PPRC1: variants seen among roughly 807,000 people sequenced by gnomAD.
The protein encoded by PPRC1 is peroxisome proliferator-activated receptor gamma coactivator-related protein 1.
Under a neutral mutation model 132.5 loss-of-function variants are expected in PPRC1, and 23 were observed. The observed-to-expected ratio is 0.17, with a 90% CI of 0.12 to 0.25. PPRC1 has a LOEUF of 0.25. Ranked by LOEUF, PPRC1 falls within the 10% of genes least tolerant of loss-of-function variation. The pLI is 1.00. For synonymous variants in PPRC1, 872 were observed against 833.5 expected, an observed-to-expected ratio of 1.05 and a Z score of -0.80; for missense variants, 2,006 against 2,089.1, an observed-to-expected ratio of 0.96 and a Z score of 0.78.
intron 8 of PPRC1, among the ~76,000 whole-genome samples, chr10:102,145,660 C>G (rs941546637): frequency 6.6e-6 from 1 of 151,512 alleles, no homozygotes; most frequent in African/African-American, 2.4e-5. Context: ...GTCAGGAGAT[C>G]GAGACCATCC....
chr10:102,119,969 C>A, the PPRC1 span: 1 of 751,858 alleles, frequency 1.3e-6, no homozygotes, highest in Non-Finnish European at 2.0e-6. Flanking sequence ...CCCTTCCAGC[C>A]CCCGGCTTCC....
chr10:102,139,726 C>T lies in PPRC1; in HGVS notation c.1218C>T (p.Thr406=). The stretch of plus-strand genomic sequence containing the variant: ...CAGAGGCTGCTGTGCCCAAGGTAAC[C>T]CTCTGCTCTGAGAAAGAGGGGTTGT... ...SETEAAVPKV[T]LCSEKEGLSL... The change falls in exon 5 of 14, where the codon ACC becomes ACT. Residue 406 remains threonine, a synonymous_variant. Coordinates refer to ENST00000278070, the MANE Select transcript of PPRC1 (RefSeq NM_015062.5). 1.2e-6 allele frequency: 2 copies of T among 1,614,104 alleles called. No homozygotes were observed. Among genetic ancestry groups the T allele is most frequent in the Non-Finnish European group, 1.7e-6 (2 of 1,180,044 alleles).
the PPRC1 span, among the ~76,000 whole-genome samples, chr10:102,125,642 G>C: frequency 1.3e-5 from 2 of 152,078 alleles, no homozygotes; most frequent in African/African-American, 4.8e-5. Context: ...ATTAAGATTA[G>C]GAAAGGGGAA....
Position 102,141,434 on chromosome 10 carries a change from A to G in PPRC1, c.2926A>G (p.Thr976Ala), listed in dbSNP as rs2068973400. 1.9e-6 allele frequency: 3 copies of G among 1,613,294 alleles called. No individual in the cohort carries two copies. The highest frequency in any genetic ancestry group is 2.5e-6 in the Non-Finnish European group (3 of 1,179,924). Residue 976 changes from threonine to alanine, a missense_variant, in exon 5 of 14, where the codon ACA (threonine) becomes GCA (alanine). Coordinates refer to ENST00000278070, the MANE Select transcript of PPRC1 (RefSeq NM_015062.5). Reference sequence around the variant, plus strand: ...TGCCCCAGTCTCACCTTACAGTTCCACATGTACCTATGGGCCCTTGGGATG... The same window carrying G: ...TGCCCCAGTCTCACCTTACAGTTCCGCATGTACCTATGGGCCCTTGGGATG... ...PPAPVSPYSS[T>A]CTYGPLGWGP...
At chr10:102,120,834 A>G in the PPRC1 span, among the ~76,000 whole-genome samples, 1 of 152,020 alleles carries the variant, frequency 6.6e-6, no homozygotes, top group African/African-American at 2.4e-5. Flanking sequence ...CGGGGTGGGC[A>G]GTGTGGTGTA....
intron 6 of PPRC1, among the ~76,000 whole-genome samples, chr10:102,143,371 C>T (rs1284731946): frequency 2.6e-5 from 4 of 152,042 alleles, no homozygotes; most frequent in Middle Eastern, 3.2e-3. Context: ...GAAGCTGAGG[C>T]GGGTGGATCA....
At chr10:102,149,462 G>A in intron 13 of PPRC1, 133 bp downstream of exon 13, 1 of 1,111,070 alleles carries the variant, frequency 9.0e-7, no homozygotes. Flanking sequence ...GCTGGGCATG[G>A]TGGCTCACGC....
chr10:102,147,347 G>T lies in PPRC1; in HGVS notation c.4355G>T (p.Arg1452Leu). 1 of 1,610,442 alleles carries T rather than the reference G, an allele frequency of 6.2e-7. No individual in the cohort carries two copies. Among genetic ancestry groups the T allele is most frequent in the Non-Finnish European group, 8.5e-7 (1 of 1,179,864 alleles). Residue 1452 changes from arginine (R) to leucine (L), a missense_variant, in exon 9 of 14, where the codon CGA becomes CTA. By Grantham distance (102) the Arg-to-Leu change is moderately radical. Coordinates refer to ENST00000278070, the MANE Select transcript of PPRC1 (RefSeq NM_015062.5). ...TCCTCATCATCGTCTTCCTCATCCCGATCTCGGTCCAGGTCCCTCTCCCCC... is the reference window on the plus strand; with the variant it reads ...TCCTCATCATCGTCTTCCTCATCCCTATCTCGGTCCAGGTCCCTCTCCCCC... Reference protein sequence around the residue: ...SSSSSSSSSSRSRSRSLSPPH... With the variant: ...SSSSSSSSSSLSRSRSLSPPH...
At chr10:102,123,825 C>G in the PPRC1 span, among the ~76,000 whole-genome samples, 1 of 148,960 alleles carries the variant, frequency 6.7e-6, no homozygotes, top group African/African-American at 2.5e-5. Flanking sequence ...TGAGCCACCA[C>G]GCCCGGCCTT....
Position 102,140,615 on chromosome 10 carries a change from G to C in PPRC1, c.2107G>C (p.Gly703Arg). The change falls in exon 5 of 14, where the codon GGG (glycine) becomes CGG (arginine). Residue 703 changes from glycine to arginine, a missense_variant. Physicochemically the swap from Gly to Arg is moderately radical, Grantham distance 125 (BLOSUM62 -2). Around this residue, in one of 2 missense-constraint regions of PPRC1, gnomAD observed 1,914 missense variants for 1,917.2 expected, o/e 1.00. Transcript: ENST00000278070. ...PRRGAVSSAL[G>R]GSAPQLLVES... The stretch of plus-strand genomic sequence containing the variant: ...ACGTGGTGCAGTGTCATCAGCCCTG[G>C]GGGGTTCAGCACCCCAGCTCCTCGT... 6.2e-7 allele frequency: 1 copy of C among 1,614,006 alleles called. No homozygotes were observed. Among genetic ancestry groups the C allele is most frequent in the South Asian group, 1.1e-5 (1 of 91,070 alleles).
In PPRC1 at chr10:102,140,948, C is replaced by T; in HGVS notation, c.2440C>T (p.Pro814Ser). Reference sequence around the variant, plus strand: ...AGCTCTGCAGAGAAGCCCTGAAACACCCCTTGAGATTTGCCTTGTGCCTGT... The same window carrying T: ...AGCTCTGCAGAGAAGCCCTGAAACATCCCTTGAGATTTGCCTTGTGCCTGT... Reference protein sequence around the residue: ...KTALQRSPETPLEICLVPVGP... With the variant: ...KTALQRSPETSLEICLVPVGP... Residue 814 changes from proline to serine, a missense_variant, in exon 5 of 14, where the codon CCC becomes TCC. Physicochemically the swap from Pro to Ser is moderately conservative, Grantham distance 74. Around this residue, in one of 2 missense-constraint regions of PPRC1, gnomAD observed 1,914 missense variants for 1,917.2 expected, o/e 1.00. Coordinates refer to ENST00000278070, the MANE Select transcript of PPRC1 (RefSeq NM_015062.5). The T allele has an allele frequency of 6.2e-7, 1 of 1,613,964 alleles. No homozygotes were observed. Among genetic ancestry groups the T allele is most frequent in the Non-Finnish European group, 8.5e-7 (1 of 1,179,968 alleles).
chr10:102,123,546 T>C, the PPRC1 span, among the ~76,000 whole-genome samples: 523 of 152,278 alleles, frequency 3.4e-3, 8 homozygotes, highest in African/African-American at 0.012. Context: ...CTTTTTTTTT[T>C]AGACGGAGTC....
rs777024793 is a variant in PPRC1, at chr10:102,147,143, G to A, written c.4151G>A (p.Arg1384Gln). The stretch of plus-strand genomic sequence containing the variant: ...CTGTCCCCTGAGGCCTCACCCTGCC[G>A]GAATGACATGAACACTAGGACTCCC... Reference protein sequence around the residue: ...SLLSPEASPCRNDMNTRTPPE... With the variant: ...SLLSPEASPCQNDMNTRTPPE... Residue 1384 changes from arginine to glutamine, a missense_variant, in exon 9 of 14, where the codon CGG becomes CAG. Around this residue, in one of 2 missense-constraint regions of PPRC1, gnomAD observed 1,914 missense variants for 1,917.2 expected, o/e 1.00. Transcript: ENST00000278070. The A allele has an allele frequency of 2.1e-5, 34 of 1,613,994 alleles. No individual in the cohort carries two copies. The highest frequency in any genetic ancestry group is 2.6e-5 in the Non-Finnish European group (31 of 1,180,030).
Position 102,141,194 on chromosome 10 carries a change from C to A in PPRC1, c.2686C>A (p.Pro896Thr). ...LGMPPSLPPP[P>T]LQPPSLPLSM... ...CATGCCCCCCAGTCTGCCCCCACCT[C>A]CCTTGCAGCCTCCTAGTCTTCCATT... The change falls in exon 5 of 14, where the codon CCC becomes ACC. Residue 896 changes from proline to threonine, a missense_variant. Physicochemically the swap from Pro to Thr is conservative, Grantham distance 38. Transcript: ENST00000278070. The A allele has an allele frequency of 6.2e-7, 1 of 1,614,066 alleles. No homozygotes were observed. Among genetic ancestry groups the A allele is most frequent in the Non-Finnish European group, 8.5e-7 (1 of 1,179,948 alleles).
In PPRC1 at chr10:102,140,591, CGTG is replaced by C; in HGVS notation, c.2087_2089del (p.Gly696del). 1 of 1,614,078 alleles carries C rather than the reference CGTG, an allele frequency of 6.2e-7. No homozygotes were observed. Among genetic ancestry groups the C allele is most frequent in the Non-Finnish European group, 8.5e-7 (1 of 1,180,000 alleles). ...TAAGTCCAGACCAACTGATCCCAGA[CGTG>C]GTGCAGTGTCATCAGCCCTGGGGGG... On this transcript the variant is annotated inframe_deletion, in exon 5 of 14. Coordinates refer to ENST00000278070, the MANE Select transcript of PPRC1 (RefSeq NM_015062.5).
the PPRC1 span, among the ~76,000 whole-genome samples, chr10:102,127,990 G>A: frequency 1.3e-5 from 2 of 152,146 alleles, no homozygotes; most frequent in Non-Finnish European, 2.9e-5. Flanking sequence ...CACCTAGCTG[G>A]TTTAAGATTT....
Position 102,141,641 on chromosome 10 carries a change from C to G in PPRC1, c.3133C>G (p.His1045Asp), listed in dbSNP as rs778993842. 2 of 1,614,168 alleles carry G rather than the reference C, an allele frequency of 1.2e-6. No individual in the cohort carries two copies. The highest frequency in any genetic ancestry group is 2.2e-5 in the South Asian group (2 of 91,078). ...TCCCCTCAGTCTTGGGCTACCTGGC[C>G]ATGGAGCTCCTCAGACAGAGCCTAC... ...APPLSLGLPG[H>D]GAPQTEPTKV... Residue 1045 changes from histidine to aspartate, a missense_variant, in exon 5 of 14, where the codon CAT (histidine) becomes GAT (aspartate). Transcript: ENST00000278070.
At chr10:102,142,400 CTTTTTTTTTTTTTTTTTTTTT>C (rs71016364) in intron 5 of PPRC1, among the ~76,000 whole-genome samples, 1,596 of 61,222 alleles carry the variant, frequency 0.026, 136 homozygotes, top group East Asian at 0.23. Context: ...TGCACCATGC[CTTTTTTTTTTTTTTTTTTTTT>C]TTTTTTTTTT....
rs767841641 is a variant in PPRC1, at chr10:102,140,488, G to A, written c.1980G>A (p.Pro660=). ...SDNLPPVDAV[P]SGPAPVDLAL... ...ACTTGCCACCAGTTGATGCTGTCCC[G>A]TCTGGCCCAGCACCAGTTGATCTAG... The change falls in exon 5 of 14, where the codon CCG becomes CCA. Residue 660 remains proline, a synonymous_variant. Transcript: ENST00000278070. 73 of 1,613,952 alleles carry A rather than the reference G, an allele frequency of 4.5e-5. No individual in the cohort carries two copies. The highest frequency in any genetic ancestry group is 9.3e-5 in the African/African-American group (7 of 74,876).
Sources: allele counts gnomAD v4.1 joint callset (sites outside exome capture counted in the v4.1 genomes callset), GRCh38; gene constraint gnomAD v4.1.1; regional missense constraint gnomAD v4.1.1; transcripts MANE v1.5; gene names NCBI Gene and HGNC (gene_info 2026-07-23, HGNC 2026-07-21).